Variants in GLIS3 observed in about 807,000 individuals in gnomAD.
GLIS3 encodes the protein GLIS family zinc finger 3, also known as zinc finger protein GLIS3.
In GLIS3, 53 loss-of-function variants were observed where a neutral mutation model predicts 78.6. The observed-to-expected ratio is 0.67, with a 90% CI of 0.54 to 0.85. The LOEUF is 0.85. Among genes scored for constraint, GLIS3 ranks in the 40% least tolerant of loss-of-function variants. The pLI is 0.00. For synonymous variants in GLIS3, 684 were observed against 509.9 expected, an observed-to-expected ratio of 1.34 and a Z score of -4.60; for missense variants, 1,703 against 1,231.1, an observed-to-expected ratio of 1.38 and a Z score of -5.74.
At chr9:4,226,837 C>G (rs571255737) in intron 2 of GLIS3, among the ~76,000 whole-genome samples, 2 of 152,284 alleles carry the variant, frequency 1.3e-5, no homozygotes, top group African/African-American at 4.8e-5. Context: ...TCTGTTTACA[C>G]CATGGCCTCA....
intron 6 of GLIS3, among the ~76,000 whole-genome samples, chr9:3,899,915 G>A (rs1429644154): frequency 6.6e-6 from 1 of 152,168 alleles, no homozygotes; most frequent in Non-Finnish European, 1.5e-5. Flanking sequence ...ACAGTGAGTA[G>A]GAATAAGGGG....
At position 3,902,318 on chromosome 9, in the gene GLIS3, G is replaced by A. The variant is rs577868462; in HGVS notation, c.1984-3483C>T. ...GTGTAGTGTCCCTCACAGATCTTCA[G>A]ACCAGGAAAGGGGCTTTCAGATCCC... On this transcript the variant is annotated intron_variant, in intron 6 of 10. Transcript: ENST00000381971. Among the ~76,000 whole-genome samples the A allele has an allele frequency of 2.0e-4, 30 of 152,298 alleles. 1 individual carries two copies. Among genetic ancestry groups the A allele is most frequent in the Admixed American group, 1.6e-3 (25 of 15,308 alleles).
chr9:4,021,852 T>C (rs1822913597), intron 4 of GLIS3, among the ~76,000 whole-genome samples: 1 of 152,158 alleles, frequency 6.6e-6, no homozygotes, highest in African/African-American at 2.4e-5. Flanking sequence ...GTTTTTTCAG[T>C]TTATCGGGCA....
chr9:3,890,764 AC>A (rs200157620), intron 7 of GLIS3, among the ~76,000 whole-genome samples: 1,740 of 137,978 alleles, frequency 0.013, 31 homozygotes, highest in African/African-American at 0.057. Flanking sequence ...CAACAACAAC[AC>A]AACAACAACA....
chr9:4,171,392 A>G (rs571256289), intron 2 of GLIS3, among the ~76,000 whole-genome samples: 2 of 152,248 alleles, frequency 1.3e-5, no homozygotes, highest in Non-Finnish European at 2.9e-5. Flanking sequence ...AATTTAACCT[A>G]TCACATTCTG....
At chr9:4,359,180 A>G in the GLIS3 span, among the ~76,000 whole-genome samples, 1 of 151,996 alleles carries the variant, frequency 6.6e-6, no homozygotes, top group African/African-American at 2.4e-5. Flanking sequence ...CCCACACCCT[A>G]AACGTTCAGG....
chr9:4,356,898 A>G, the GLIS3 span, among the ~76,000 whole-genome samples: 4 of 152,246 alleles, frequency 2.6e-5, no homozygotes, highest in African/African-American at 9.6e-5. Flanking sequence ...CAAGAGCATT[A>G]TACCAGGAGC....
chr9:4,162,338 A>G (rs1255326073), intron 2 of GLIS3, among the ~76,000 whole-genome samples: 1 of 152,144 alleles, frequency 6.6e-6, no homozygotes, highest in Non-Finnish European at 1.5e-5. Flanking sequence ...TCACATTCTG[A>G]GGTTCCAGGT....
At chr9:4,355,479 T>C in the GLIS3 span, among the ~76,000 whole-genome samples, 1 of 152,116 alleles carries the variant, frequency 6.6e-6, no homozygotes, top group Non-Finnish European at 1.5e-5. Context: ...AATAGACAAG[T>C]TTCCTTTGAC....
intron 2 of GLIS3, among the ~76,000 whole-genome samples, chr9:4,261,845 G>C (rs911593564): frequency 7.9e-5 from 12 of 152,066 alleles, no homozygotes; most frequent in African/African-American, 2.9e-4. Context: ...ACATACTCTT[G>C]CTATGAACAG....
intron 6 of GLIS3, among the ~76,000 whole-genome samples, chr9:3,914,472 T>G (rs1824369294): frequency 6.6e-6 from 1 of 152,116 alleles, no homozygotes; most frequent in Non-Finnish European, 1.5e-5. Context: ...CAGCCAAAGT[T>G]TATTTCTTTA....
At chr9:4,375,767 G>C in the GLIS3 span, among the ~76,000 whole-genome samples, 1 of 152,218 alleles carries the variant, frequency 6.6e-6, no homozygotes, top group Admixed American at 6.5e-5. Context: ...GTCAGTGCGA[G>C]TGGGAAAGTT....
intron 9 of GLIS3, among the ~76,000 whole-genome samples, chr9:3,849,018 A>G (rs545507667): frequency 4.6e-5 from 7 of 152,326 alleles, no homozygotes; most frequent in Middle Eastern, 3.4e-3. Flanking sequence ...CTGCTGCTGC[A>G]CTGATTTCAA....
intron 2 of GLIS3, among the ~76,000 whole-genome samples, chr9:4,171,350 C>T (rs769923277): frequency 2.0e-5 from 3 of 151,980 alleles, no homozygotes; most frequent in African/African-American, 7.3e-5. Context: ...AGAAAGATTC[C>T]GTAGATACTG....
chr9:4,092,726 T>C (rs1232608058), intron 4 of GLIS3, among the ~76,000 whole-genome samples: 3 of 152,274 alleles, frequency 2.0e-5, no homozygotes, highest in South Asian at 2.1e-4. Flanking sequence ...TCTTTTGAAA[T>C]ACCTCTTGAC....
intron 4 of GLIS3, among the ~76,000 whole-genome samples, chr9:4,040,630 T>C (rs142786161): frequency 7.9e-4 from 120 of 152,264 alleles, no homozygotes; most frequent in African/African-American, 2.6e-3. Flanking sequence ...CTCCCAGCAC[T>C]TTGGAGAACT....
intron 2 of GLIS3, among the ~76,000 whole-genome samples, chr9:4,248,997 T>G (rs1824086224): frequency 6.6e-6 from 1 of 152,232 alleles, no homozygotes; most frequent in African/African-American, 2.4e-5. Context: ...TATATCTATT[T>G]TGGTACAAGT....
At chr9:4,458,280 T>C in the GLIS3 span, among the ~76,000 whole-genome samples, 5 of 152,196 alleles carry the variant, frequency 3.3e-5, no homozygotes, top group Admixed American at 6.5e-5. Context: ...CTGCATGGCA[T>C]GCATTGTTCT....
chr9:4,070,707 A>C (rs953195031), intron 4 of GLIS3, among the ~76,000 whole-genome samples: 1 of 152,192 alleles, frequency 6.6e-6, no homozygotes, highest in Non-Finnish European at 1.5e-5. Context: ...CCAAATATCC[A>C]AATTGTTATA....
Sources: gnomAD v4.1 joint callset for allele counts (sites outside exome capture counted in the v4.1 genomes callset) on GRCh38, gnomAD v4.1.1 for gene constraint, MANE v1.5 for transcripts, NCBI Gene and HGNC (gene_info 2026-07-23, HGNC 2026-07-21) for gene names.